SYNPO2: variants seen among roughly 807,000 people sequenced by gnomAD.
SYNPO2 encodes the protein synaptopodin 2, also known as synaptopodin-2.
Under a neutral mutation model 85.0 loss-of-function variants are expected in SYNPO2, and 56 were observed. The ratio of observed to expected loss-of-function variants is 0.66; its 90% CI spans 0.53 to 0.82. SYNPO2 has a LOEUF of 0.82. Among genes scored for constraint, SYNPO2 ranks in the 40% least tolerant of loss-of-function variants. The pLI is 0.00. For synonymous variants in SYNPO2, 602 were observed against 591.1 expected (o/e 1.02, Z -0.27); for missense variants, 1,575 against 1,534.2 (o/e 1.03, Z -0.44).
chr4:118,931,648 G>A (rs541384300), intron 1 of SYNPO2, among the ~76,000 whole-genome samples: 30 of 152,274 alleles, frequency 2.0e-4, no homozygotes, highest in African/African-American at 6.5e-4. Context: ...GCGAGGCATA[G>A]AAAATTATGT....
At chr4:118,875,322 T>A (rs569906139) in intron 1 of SYNPO2, among the ~76,000 whole-genome samples, 9 of 152,318 alleles carry the variant, frequency 5.9e-5, no homozygotes. Flanking sequence ...TTTTTCTCTA[T>A]TTTTTTGGTT....
chr4:119,003,849 A>G (rs1370176684), intron 1 of SYNPO2, among the ~76,000 whole-genome samples: 3 of 152,188 alleles, frequency 2.0e-5, no homozygotes, highest in African/African-American at 7.2e-5. Flanking sequence ...CCTCCTAGAA[A>G]GGTATAAATT....
At chr4:119,011,754 C>T (rs904199427) in intron 1 of SYNPO2, among the ~76,000 whole-genome samples, 20 of 152,146 alleles carry the variant, frequency 1.3e-4, no homozygotes, top group African/African-American at 4.8e-4. Flanking sequence ...GTGCAAGACA[C>T]ATGTCAGGTT....
intron 1 of SYNPO2, among the ~76,000 whole-genome samples, chr4:118,859,259 A>G (rs186469370): frequency 6.6e-6 from 1 of 152,194 alleles, no homozygotes; most frequent in Non-Finnish European, 1.5e-5. Flanking sequence ...AAATTTTTTT[A>G]AATTAAATCT....
intron 1 of SYNPO2, among the ~76,000 whole-genome samples, chr4:118,911,782 T>G (rs938112048): frequency 1.3e-5 from 2 of 152,184 alleles, no homozygotes; most frequent in Non-Finnish European, 2.9e-5. Context: ...GAACTAAAAA[T>G]TATTTTGTTT....
intron 1 of SYNPO2, among the ~76,000 whole-genome samples, chr4:119,010,037 A>G (rs933560142): frequency 6.6e-6 from 1 of 152,150 alleles, no homozygotes; most frequent in Admixed American, 6.5e-5. Context: ...CTGTCAGCTC[A>G]CCTACATAGT....
chr4:119,036,668 A>G lies in SYNPO2; in HGVS notation c.3252+4641A>G, dbSNP rs552293647. On this transcript the variant is annotated intron_variant, in intron 4 of 4. Coordinates refer to ENST00000307142, the MANE Select transcript of SYNPO2 (RefSeq NM_133477.3). ...ATGAGCGTCATGCCAATGAAACCCCATCTTCTGGAGAAGCCCTTGAATCAG... is the reference window on the plus strand; with the variant it reads ...ATGAGCGTCATGCCAATGAAACCCCGTCTTCTGGAGAAGCCCTTGAATCAG... The G allele has an allele frequency of 2.3e-4, 224 of 985,526 alleles. 3 individuals are homozygous for G. In the African/African-American group the frequency reaches 3.4e-3, roughly 15 times the overall value. The allele number at this position is 985,526 out of a possible 1,614,324, so 61.0% of individuals were successfully genotyped here. A position where few individuals can be genotyped will look rare whatever the true frequency, so the allele number is the denominator to read the frequency against.
rs1739377717 is a variant in SYNPO2 at position 119,060,481 on chromosome 4, A to G, written c.*2547A>G. 1.3e-5 allele frequency: 2 copies of G among 152,316 alleles called. No individual in the cohort carries two copies. The highest frequency in any genetic ancestry group is 4.8e-5 in the African/African-American group (2 of 41,580). The allele number at this position is 152,316 out of a possible 1,614,324, so 9.4% of individuals were successfully genotyped here. On this transcript the variant is annotated 3_prime_UTR_variant, in exon 5 of 5. Coordinates refer to ENST00000307142, the MANE Select transcript of SYNPO2 (RefSeq NM_133477.3). The stretch of plus-strand genomic sequence containing the variant: ...TCTCCAGCATACTTGAAAATGAATA[A>G]AGTTAGATTGCTCACATTGAAGCTA...
intron 1 of SYNPO2, among the ~76,000 whole-genome samples, chr4:118,918,751 G>A (rs752192374): frequency 5.9e-5 from 9 of 152,174 alleles, no homozygotes; most frequent in Non-Finnish European, 1.2e-4. Context: ...TCCAAACATC[G>A]GGATAAGATT....
chr4:118,942,263 G>A (rs981913526), intron 1 of SYNPO2, among the ~76,000 whole-genome samples: 22 of 152,148 alleles, frequency 1.4e-4, no homozygotes, highest in Non-Finnish European at 7.3e-5. Context: ...GGGAAGGTAC[G>A]TATCTCACTA....
At chr4:119,013,789 A>T (rs1451155502) in intron 1 of SYNPO2, among the ~76,000 whole-genome samples, 1 of 152,224 alleles carries the variant, frequency 6.6e-6, no homozygotes, top group Non-Finnish European at 1.5e-5. Flanking sequence ...TTTCCAAATG[A>T]TCAACCCAAA....
chr4:118,925,653 G>A (rs1348982012), intron 1 of SYNPO2, among the ~76,000 whole-genome samples: 2 of 152,082 alleles, frequency 1.3e-5, no homozygotes, highest in Admixed American at 6.6e-5. Context: ...AATCCTAATA[G>A]GGTTCCTGAA....
intron 1 of SYNPO2, among the ~76,000 whole-genome samples, chr4:119,004,983 A>G (rs1322313323): frequency 1.1e-4 from 16 of 151,962 alleles, no homozygotes; most frequent in Non-Finnish European, 1.9e-4. Context: ...GCCAGTGATG[A>G]TGAGCATTTT....
chr4:118,961,099 G>GCCCCCCC (rs60796554), intron 1 of SYNPO2, among the ~76,000 whole-genome samples: 1 of 94,618 alleles, frequency 1.1e-5, no homozygotes. Flanking sequence ...CTATTTTACC[G>GCCCCCCC]CCCCCCCCCC....
chr4:119,031,570 C>G lies in SYNPO2; in HGVS notation c.2795C>G (p.Ser932Cys). The G allele has an allele frequency of 6.2e-7, 1 of 1,614,218 alleles. No homozygotes were observed. Among genetic ancestry groups the G allele is most frequent in the Admixed American group, 1.7e-5 (1 of 60,028 alleles). ...PVAYNPIHSP[S>C]YPLAALKSQP... ...GCCTATAATCCTATCCACTCGCCGTCTTACCCACTGGCTGCTCTCAAGTCT... is the reference window on the plus strand; with the variant it reads ...GCCTATAATCCTATCCACTCGCCGTGTTACCCACTGGCTGCTCTCAAGTCT... Residue 932 changes from serine (S) to cysteine (C), a missense_variant, in exon 4 of 5, where the codon TCT becomes TGT. Coordinates refer to ENST00000307142, the MANE Select transcript of SYNPO2 (RefSeq NM_133477.3).
At chr4:118,913,546 C>T (rs902273806) in intron 1 of SYNPO2, among the ~76,000 whole-genome samples, 71 of 147,006 alleles carry the variant, frequency 4.8e-4, no homozygotes, top group African/African-American at 1.7e-3. Flanking sequence ...CATCTTGAGC[C>T]TTCTTTCATT....
At chr4:119,051,392 T>G (rs1223606523) in intron 4 of SYNPO2, among the ~76,000 whole-genome samples, 1 of 150,720 alleles carries the variant, frequency 6.6e-6, no homozygotes, top group East Asian at 2.0e-4. Flanking sequence ...GGTTTCACCG[T>G]TTTTTAGCCG....
intron 1 of SYNPO2, among the ~76,000 whole-genome samples, chr4:118,973,030 G>A (rs1735594507): frequency 6.6e-6 from 1 of 152,112 alleles, no homozygotes; most frequent in Admixed American, 6.5e-5. Flanking sequence ...GCTTATACAT[G>A]CATTAAATGC....
intron 1 of SYNPO2, among the ~76,000 whole-genome samples, chr4:119,004,947 T>C (rs984148712): frequency 6.6e-6 from 1 of 152,014 alleles, no homozygotes; most frequent in Non-Finnish European, 1.5e-5. Flanking sequence ...TATCTCATTG[T>C]GGTTTTGATT....
Sources: gnomAD v4.1 joint callset for allele counts (sites outside exome capture counted in the v4.1 genomes callset) on GRCh38, gnomAD v4.1.1 for gene constraint, MANE v1.5 for transcripts, NCBI Gene and HGNC (gene_info 2026-07-23, HGNC 2026-07-21) for gene names.